EEA1: variants seen among roughly 807,000 people sequenced by gnomAD.
The protein encoded by EEA1 is early endosome antigen 1, 162kD.
Under a neutral mutation model 209.2 loss-of-function variants are expected in EEA1, and 111 were observed. The ratio of observed to expected loss-of-function variants is 0.53; its 90% CI spans 0.45 to 0.62. EEA1 has a LOEUF of 0.62. EEA1 is among the 20% of genes least tolerant of loss of function. The pLI, the probability that EEA1 is intolerant of heterozygous loss-of-function variation, is 0.00. For missense variants in EEA1, 1,343 were observed against 1,530.8 expected, an observed-to-expected ratio of 0.88 and a Z score of 2.05; for synonymous variants, 536 against 540.6, an observed-to-expected ratio of 0.99 and a Z score of 0.12.
intron 22 of EEA1, among the ~76,000 whole-genome samples, chr12:92,784,638 A>T (rs547169898): frequency 1.3e-5 from 2 of 152,226 alleles, no homozygotes; most frequent in South Asian, 4.2e-4. Flanking sequence ...GCTCCATGAA[A>T]TCCTTTCTGA....
intron 17 of EEA1, among the ~76,000 whole-genome samples, chr12:92,809,657 T>C (rs1001875984): frequency 6.7e-6 from 1 of 149,084 alleles, no homozygotes; most frequent in Non-Finnish European, 1.5e-5. Flanking sequence ...ATCGCACCAC[T>C]ACACTCCAGC....
At chr12:92,852,146 T>A (rs763561191) in intron 8 of EEA1, 29 bp downstream of exon 8, 2 of 1,540,818 alleles carry the variant, frequency 1.3e-6, no homozygotes, top group South Asian at 2.5e-5. Flanking sequence ...GGTATAAGAG[T>A]ACATCTCAAT....
chr12:92,836,400 G>A (rs1006279021), intron 10 of EEA1, among the ~76,000 whole-genome samples: 32 of 151,840 alleles, frequency 2.1e-4, no homozygotes, highest in South Asian at 1.7e-3. Context: ...TTCTTACAGC[G>A]ACAATTTCCC....
chr12:92,809,265 A>AAT (rs910937766), intron 17 of EEA1, 109 bp from the exon 18 acceptor site: 18 of 756,286 alleles, frequency 2.4e-5, no homozygotes, highest in Middle Eastern at 4.2e-4. Context: ...ACATACAAAA[A>AAT]AAAATTTATT....
At chr12:92,910,706 G>A (rs921609892) in intron 1 of EEA1, among the ~76,000 whole-genome samples, 2 of 152,042 alleles carry the variant, frequency 1.3e-5, no homozygotes, top group Non-Finnish European at 2.9e-5. Flanking sequence ...GTCACAGACT[G>A]GAGAAAAATA....
At chr12:92,870,867 G>T (rs1468462321) in intron 2 of EEA1, among the ~76,000 whole-genome samples, 1 of 151,996 alleles carries the variant, frequency 6.6e-6, no homozygotes, top group African/African-American at 2.4e-5. Context: ...AGTAGAGACA[G>T]GGTTTCACCA....
At chr12:92,857,137 A>G in intron 5 of EEA1, 138 bp downstream of exon 5, 1 of 580,456 alleles carries the variant, frequency 1.7e-6, no homozygotes, top group Non-Finnish European at 2.9e-6. Context: ...TGCATTCATC[A>G]GAATTCAACA....
At chr12:92,915,633 G>A (rs146408167) in intron 1 of EEA1, among the ~76,000 whole-genome samples, 2 of 152,262 alleles carry the variant, frequency 1.3e-5, no homozygotes, top group African/African-American at 4.8e-5. Context: ...TTAACACTTA[G>A]GTTTCTGGGA....
chr12:92,823,201 G>C (rs1196803902), intron 13 of EEA1, among the ~76,000 whole-genome samples: 1 of 152,106 alleles, frequency 6.6e-6, no homozygotes, highest in Non-Finnish European at 1.5e-5. Flanking sequence ...TATTTAAAAA[G>C]CAAATCTGAC....
At chr12:92,910,579 T>C (rs983207928) in intron 1 of EEA1, among the ~76,000 whole-genome samples, 6 of 152,300 alleles carry the variant, frequency 3.9e-5, no homozygotes, top group Middle Eastern at 3.4e-3. Context: ...TTGTCCATTA[T>C]TTTTTTAGGT....
chr12:92,923,192 A>G (rs1881074508), intron 1 of EEA1, among the ~76,000 whole-genome samples: 1 of 151,530 alleles, frequency 6.6e-6, no homozygotes, highest in Admixed American at 6.6e-5. Flanking sequence ...CTAAAAATAC[A>G]AAAAAATTAG....
At chr12:92,791,532 A>G (rs1874403367) in intron 21 of EEA1, among the ~76,000 whole-genome samples, 1 of 152,238 alleles carries the variant, frequency 6.6e-6, no homozygotes, top group Non-Finnish European at 1.5e-5. Flanking sequence ...CAAAGAGGCC[A>G]TTACATAATG....
chr12:92,841,644 T>G lies in EEA1; in HGVS notation c.915+821A>C, dbSNP rs115029775. 3.2e-3 allele frequency among the ~76,000 whole-genome samples: 486 copies of G among 152,224 alleles called. 2 individuals are homozygous for G. Among genetic ancestry groups the G allele is most frequent in the African/African-American group, 0.011 (464 of 41,540 alleles). On this transcript the variant is annotated intron_variant, in intron 10 of 28. Transcript: ENST00000322349. ...TAAAAAATGTTCAACAACGTAGTCA[T>G]TAGGGGCATGCAAATCAAAGCCACA...
In EEA1 at chr12:92,775,929, ATAG is replaced by A. The variant is rs1205169496; in HGVS notation, c.*79_*81del. The A allele has an allele frequency of 2.0e-6, 3 of 1,465,864 alleles. No homozygotes were observed. The highest frequency in any genetic ancestry group is 2.7e-6 in the Non-Finnish European group (3 of 1,094,066). The allele number at this position is 1,465,864 out of a possible 1,614,324, so 90.8% of individuals were successfully genotyped here. ...GTATTGCAACCAGTGTCCAAACCAA[ATAG>A]TAGTCCAAGACCTCTATTAAGTACA... is the stretch of plus-strand genomic sequence containing the variant. On this transcript the variant is annotated 3_prime_UTR_variant, in exon 29 of 29. Transcript: ENST00000322349.
At chr12:92,805,935 A>T (rs1333489195) in intron 18 of EEA1, among the ~76,000 whole-genome samples, 3 of 152,250 alleles carry the variant, frequency 2.0e-5, no homozygotes, top group African/African-American at 7.2e-5. Flanking sequence ...TAGAAAAAAG[A>T]TACCCTCTTT....
chr12:92,825,942 T>C lies in EEA1; in HGVS notation c.1524+224A>G, dbSNP rs186009674. ...AGTTTATAATAAATATTTTACATTA[T>C]GTTGGAAAAACTTTTCAACATAGTA... is the stretch of plus-strand genomic sequence containing the variant. On this transcript the variant is annotated intron_variant, in intron 13 of 28. Transcript: ENST00000322349. Among the ~76,000 whole-genome samples, 5 of 150,934 alleles carry C rather than the reference T, an allele frequency of 3.3e-5. No individual in the cohort carries two copies. In the South Asian group the frequency reaches 1.0e-3, roughly 31 times the overall value.
chr12:92,929,142 G>T lies in EEA1; in HGVS notation c.-76C>A. On this transcript the variant is annotated 5_prime_UTR_variant, in exon 1 of 29. Coordinates refer to ENST00000322349, the MANE Select transcript of EEA1 (RefSeq NM_003566.4). ...GGGCCACTCACTACTCGGGGTGCGC[G>T]GGCGGGAGGGACTGGGCCGGGAGGG... is the stretch of plus-strand genomic sequence containing the variant. 6.8e-7 allele frequency: 1 copy of T among 1,459,984 alleles called. No individual in the cohort carries two copies. The highest frequency in any genetic ancestry group is 2.8e-5 in the East Asian group (1 of 36,262). The allele number at this position is 1,459,984 out of a possible 1,614,324, so 90.4% of individuals were successfully genotyped here.
chr12:92,928,425 T>G (rs1042107418), intron 1 of EEA1, among the ~76,000 whole-genome samples: 6 of 152,148 alleles, frequency 3.9e-5, no homozygotes, highest in Non-Finnish European at 8.8e-5. Context: ...AAACATATTT[T>G]TAATTAAAAA....
At chr12:92,855,842 T>C (rs1382238092) in intron 5 of EEA1, among the ~76,000 whole-genome samples, 1 of 152,182 alleles carries the variant, frequency 6.6e-6, no homozygotes, top group African/African-American at 2.4e-5. Flanking sequence ...TCAAATGCAG[T>C]AAACAATTTC....
Sources: allele counts gnomAD v4.1 joint callset (sites outside exome capture counted in the v4.1 genomes callset), GRCh38; gene constraint gnomAD v4.1.1; transcripts MANE v1.5; gene names NCBI Gene and HGNC (gene_info 2026-07-23, HGNC 2026-07-21).